Variants in SYK observed in about 807,000 individuals in gnomAD.
SYK encodes tyrosine-protein kinase SYK.
SYK carries 16 observed loss-of-function variants against 77.8 expected under a neutral mutation model. The ratio of observed to expected loss-of-function variants is 0.21; its 90% CI spans 0.14 to 0.31. The LOEUF (loss-of-function observed/expected upper bound fraction) is 0.31, where lower values mean the gene tolerates loss of function less well. Ranked by LOEUF, SYK falls within the 10% of genes least tolerant of loss-of-function variation. The pLI is 1.00. For synonymous variants in SYK, 312 were observed against 308.7 expected, an observed-to-expected ratio of 1.01 and a Z score of -0.11; for missense variants, 529 against 814.4, an observed-to-expected ratio of 0.65 and a Z score of 4.26.
At chr9:90,885,694 C>G (rs1828536773) in intron 11 of SYK, among the ~76,000 whole-genome samples, 1 of 152,142 alleles carries the variant, frequency 6.6e-6, no homozygotes, top group African/African-American at 2.4e-5. Flanking sequence ...GGTCCCCAAA[C>G]AGATACAATG....
At chr9:90,826,062 G>A (rs1047605682) in intron 1 of SYK, among the ~76,000 whole-genome samples, 6 of 152,158 alleles carry the variant, frequency 3.9e-5, no homozygotes, top group Non-Finnish European at 7.4e-5. Flanking sequence ...GTCCAGAGAC[G>A]CACATTGAGA....
At chr9:90,819,497 A>C (rs1187310108) in intron 1 of SYK, among the ~76,000 whole-genome samples, 1 of 152,218 alleles carries the variant, frequency 6.6e-6, no homozygotes, top group African/African-American at 2.4e-5. Flanking sequence ...GGTGAAAGGC[A>C]CTTCTTACAT....
chr9:90,811,668 AG>A (rs1825075992), intron 1 of SYK, among the ~76,000 whole-genome samples: 1 of 152,184 alleles, frequency 6.6e-6, no homozygotes, highest in Admixed American at 6.5e-5. Context: ...CTGTAATTCC[AG>A]CACTTTGGGA....
intron 1 of SYK, among the ~76,000 whole-genome samples, chr9:90,831,864 A>T (rs954695537): frequency 1.3e-5 from 2 of 152,056 alleles, no homozygotes; most frequent in Non-Finnish European, 2.9e-5. Context: ...TGATTTTGCT[A>T]TTTAAAAATG....
intron 11 of SYK, among the ~76,000 whole-genome samples, chr9:90,881,679 C>A (rs868829878): frequency 6.3e-4 from 56 of 89,388 alleles, no homozygotes; most frequent in African/African-American, 8.2e-4. Flanking sequence ...GACTCTGTCT[C>A]AAAAAAAAAA....
At chr9:90,865,930 G>C (rs2774258) in intron 6 of SYK, among the ~76,000 whole-genome samples, 35,571 of 120,098 alleles carry the variant, frequency 0.3, 5,134 homozygotes, top group East Asian at 0.42. Context: ...ACGGAGTCTC[G>C]CTCTGTTGCC....
chr9:90,890,231 G>A (rs759039648), intron 13 of SYK, among the ~76,000 whole-genome samples: 3 of 152,242 alleles, frequency 2.0e-5, no homozygotes, highest in Non-Finnish European at 4.4e-5. Flanking sequence ...TGGGTGCAGT[G>A]AGGCTGCTGA....
At position 90,888,517 on chromosome 9, in the gene SYK, G is replaced by A. The variant is rs201336985; in HGVS notation, c.1725G>A (p.Gly575=). Residue 575 remains glycine, a splice_region_variant and synonymous_variant, in exon 13 of 14, where the codon GGG becomes GGA. Coordinates refer to ENST00000375754, the MANE Select transcript of SYK (RefSeq NM_003177.7). ...AFSYGQKPYR[G]MKGSEVTAML... ...TATGCATATCTTGCATGTTGTAGGG[G>A]ATGAAAGGAAGTGAAGTCACCGCTA... 1 of 1,604,842 alleles carries A rather than the reference G, an allele frequency of 6.2e-7. No individual in the cohort carries two copies. The highest frequency in any genetic ancestry group is 1.7e-5 in the Admixed American group (1 of 58,098).
intron 13 of SYK, among the ~76,000 whole-genome samples, chr9:90,894,019 G>C (rs1828891455): frequency 6.6e-6 from 1 of 152,214 alleles, no homozygotes; most frequent in Non-Finnish European, 1.5e-5. Flanking sequence ...AGATTTCCTA[G>C]GAGACCTGAC....
intron 11 of SYK, among the ~76,000 whole-genome samples, chr9:90,886,339 G>T (rs1394309630): frequency 6.6e-6 from 1 of 152,202 alleles, no homozygotes; most frequent in Non-Finnish European, 1.5e-5. Flanking sequence ...AGGAAAAAAA[G>T]GAACTCTTAT....
chr9:90,831,335 G>T (rs148284083), intron 1 of SYK, among the ~76,000 whole-genome samples: 1 of 152,288 alleles, frequency 6.6e-6, no homozygotes, highest in African/African-American at 2.4e-5. Flanking sequence ...CAGGGCTGAG[G>T]CCCCTTGATA....
chr9:90,834,056 A>C (rs1316876044), intron 1 of SYK, among the ~76,000 whole-genome samples: 1 of 152,172 alleles, frequency 6.6e-6, no homozygotes, highest in Non-Finnish European at 1.5e-5. Context: ...ATCACGTGCA[A>C]GGTGAAGCCT....
chr9:90,879,825 TA>T (rs34035894), intron 11 of SYK, among the ~76,000 whole-genome samples: 28,712 of 152,190 alleles, frequency 0.19, 3,083 homozygotes, highest in Admixed American at 0.3. Flanking sequence ...TTGGACTTCC[TA>T]AAAAATAATT....
chr9:90,818,531 A>C (rs1184404057), intron 1 of SYK, among the ~76,000 whole-genome samples: 1 of 152,182 alleles, frequency 6.6e-6, no homozygotes, highest in Non-Finnish European at 1.5e-5. Flanking sequence ...TGACTTGTTT[A>C]CGGTCAGATC....
chr9:90,858,683 C>A lies in SYK; in HGVS notation c.579-3523C>A, dbSNP rs192370238. Among the ~76,000 whole-genome samples, 6 of 152,334 alleles carry A rather than the reference C, an allele frequency of 3.9e-5. No individual in the cohort carries two copies. In the East Asian group the frequency reaches 1.2e-3, roughly 29 times the overall value. ...GTCTCCTATGTTTAATTAAAAATGG[C>A]CTGGTCCAGGATCTGCCTGCAGCCA... is the stretch of plus-strand genomic sequence containing the variant. On this transcript the variant is annotated intron_variant, in intron 3 of 13. Transcript: ENST00000375754.
At chr9:90,836,008 G>A (rs973080683) in intron 1 of SYK, among the ~76,000 whole-genome samples, 1 of 152,134 alleles carries the variant, frequency 6.6e-6, no homozygotes, top group Non-Finnish European at 1.5e-5. Flanking sequence ...AAAAATGTTG[G>A]CCGGGCGCTG....
At chr9:90,867,611 A>G (rs1000267256) in intron 7 of SYK, among the ~76,000 whole-genome samples, 1 of 152,224 alleles carries the variant, frequency 6.6e-6, no homozygotes, top group African/African-American at 2.4e-5. Flanking sequence ...TGGAGGGAAC[A>G]CCAAGGTTTT....
chr9:90,832,552 T>C (rs772600101), intron 1 of SYK, among the ~76,000 whole-genome samples: 2 of 152,208 alleles, frequency 1.3e-5, no homozygotes, highest in Non-Finnish European at 2.9e-5. Context: ...TGGGCTCAGC[T>C]CCTTCCTTCC....
At chr9:90,844,455 C>A in intron 2 of SYK, 140 bp downstream of exon 2, 1 of 942,220 alleles carries the variant, frequency 1.1e-6, no homozygotes, top group South Asian at 1.9e-5. Flanking sequence ...TCAATTTTGG[C>A]CAAAAAATGC....
Sources: allele counts gnomAD v4.1 joint callset (sites outside exome capture counted in the v4.1 genomes callset), GRCh38; gene constraint gnomAD v4.1.1; transcripts MANE v1.5; gene names NCBI Gene and HGNC (gene_info 2026-07-23, HGNC 2026-07-21).